PRR16: variants seen among roughly 807,000 people sequenced by gnomAD.
The protein encoded by PRR16 is proline rich 16.
PRR16 carries 6 observed loss-of-function variants against 18.2 expected under a neutral mutation model. That is an observed-to-expected ratio of 0.33 (90% CI 0.18 to 0.65). The LOEUF is 0.65. PRR16 is among the 30% of genes least tolerant of loss of function. The pLI, the probability that PRR16 is intolerant of heterozygous loss-of-function variation, is 0.74. For synonymous variants in PRR16, 151 were observed against 147.8 expected, an observed-to-expected ratio of 1.02 and a Z score of -0.16; for missense variants, 412 against 376.6, an observed-to-expected ratio of 1.09 and a Z score of -0.78.
At chr5:120,698,854 T>G in the PRR16 span, among the ~76,000 whole-genome samples, 2 of 152,028 alleles carry the variant, frequency 1.3e-5, no homozygotes, top group Admixed American at 1.3e-4. Context: ...GGATATAAAG[T>G]TTTCACTGAA....
intron 1 of PRR16, among the ~76,000 whole-genome samples, chr5:120,498,192 A>G (rs2112838614): frequency 6.6e-6 from 1 of 150,832 alleles, no homozygotes; most frequent in Admixed American, 6.6e-5. Context: ...CTATTTTGAC[A>G]TCTGTTTTCT....
At chr5:120,784,870 C>T in the PRR16 span, among the ~76,000 whole-genome samples, 2 of 152,134 alleles carry the variant, frequency 1.3e-5, no homozygotes, top group Non-Finnish European at 2.9e-5. Context: ...TCATTATGAC[C>T]AGGACAGGAA....
intron 1 of PRR16, among the ~76,000 whole-genome samples, chr5:120,589,174 T>A (rs951666662): frequency 2.0e-5 from 3 of 152,130 alleles, no homozygotes; most frequent in African/African-American, 7.2e-5. Context: ...ATTAACCTGA[T>A]TTTCAAGATT....
chr5:120,603,560 A>G (rs942152342), intron 1 of PRR16, among the ~76,000 whole-genome samples: 2 of 151,808 alleles, frequency 1.3e-5, no homozygotes, highest in Non-Finnish European at 2.9e-5. Context: ...AATTTTATTC[A>G]TTTCAGATCT....
chr5:120,768,752 A>T, the PRR16 span, among the ~76,000 whole-genome samples: 2 of 151,826 alleles, frequency 1.3e-5, no homozygotes, highest in Admixed American at 1.3e-4. Flanking sequence ...AAAGGAGCAC[A>T]TATCTGGCAA....
chr5:120,626,091 A>G (rs1348430299), intron 1 of PRR16, among the ~76,000 whole-genome samples: 4 of 152,162 alleles, frequency 2.6e-5, no homozygotes, highest in African/African-American at 9.6e-5. Context: ...TATGCTTTGT[A>G]TATCTTAGTA....
chr5:120,739,579 A>G, the PRR16 span, among the ~76,000 whole-genome samples: 24 of 152,322 alleles, frequency 1.6e-4, no homozygotes, highest in African/African-American at 5.3e-4. Context: ...CAATCTACTT[A>G]GATAGTTTTA....
chr5:120,607,457 A>G (rs574510217), intron 1 of PRR16, among the ~76,000 whole-genome samples: 1 of 152,328 alleles, frequency 6.6e-6, no homozygotes, highest in African/African-American at 2.4e-5. Context: ...TTTACTATAT[A>G]AAGAAGATTT....
chr5:120,559,054 A>C (rs1752499568), intron 1 of PRR16, among the ~76,000 whole-genome samples: 1 of 151,972 alleles, frequency 6.6e-6, no homozygotes, highest in Non-Finnish European at 1.5e-5. Context: ...TATTTGTCAG[A>C]TGGGTAGTTT....
intron 1 of PRR16, among the ~76,000 whole-genome samples, chr5:120,539,626 A>T (rs1240987428): frequency 1.3e-5 from 2 of 152,100 alleles, no homozygotes; most frequent in Admixed American, 1.3e-4. Context: ...CAATTTACCC[A>T]TGTAACAAAC....
chr5:120,776,356 C>A, the PRR16 span, among the ~76,000 whole-genome samples: 1 of 152,072 alleles, frequency 6.6e-6, no homozygotes, highest in Non-Finnish European at 1.5e-5. Context: ...GCACTTTGGG[C>A]AGTTCAGGCC....
chr5:120,656,911 A>T (rs1041192184), intron 1 of PRR16, among the ~76,000 whole-genome samples: 16 of 152,124 alleles, frequency 1.1e-4, no homozygotes, highest in African/African-American at 3.4e-4. Context: ...TGATTTTTGT[A>T]GGAATATTTG....
the PRR16 span, among the ~76,000 whole-genome samples, chr5:120,765,927 G>A: frequency 1.3e-5 from 2 of 151,978 alleles, no homozygotes; most frequent in Admixed American, 1.3e-4. Context: ...GTTGTTGCGT[G>A]TGGATTTTGA....
At chr5:120,677,568 T>C (rs2150151400) in intron 1 of PRR16, among the ~76,000 whole-genome samples, 1 of 152,322 alleles carries the variant, frequency 6.6e-6, no homozygotes, top group African/African-American at 2.4e-5. Context: ...TGATTGTTTT[T>C]CTAAGTCAAT....
chr5:120,783,188 A>G, the PRR16 span, among the ~76,000 whole-genome samples: 2 of 152,214 alleles, frequency 1.3e-5, no homozygotes, highest in African/African-American at 4.8e-5. Flanking sequence ...AGAATTAGTA[A>G]TATCATTTTC....
chr5:120,504,957 A>G (rs1750592335), intron 1 of PRR16, among the ~76,000 whole-genome samples: 1 of 152,152 alleles, frequency 6.6e-6, no homozygotes, highest in African/African-American at 2.4e-5. Flanking sequence ...GGGGTTGATA[A>G]TAGAAGGCAA....
At chr5:120,588,276 G>A (rs967875270) in intron 1 of PRR16, among the ~76,000 whole-genome samples, 7 of 152,146 alleles carry the variant, frequency 4.6e-5, no homozygotes, top group Admixed American at 3.9e-4. Context: ...AAGCTATGGC[G>A]GGGTTTGAAA....
intron 1 of PRR16, among the ~76,000 whole-genome samples, chr5:120,540,408 A>G (rs1751872933): frequency 1.3e-5 from 2 of 152,174 alleles, no homozygotes; most frequent in African/African-American, 2.4e-5. Flanking sequence ...GACACCATCC[A>G]GATTTCTTTC....
intron 1 of PRR16, among the ~76,000 whole-genome samples, chr5:120,560,325 T>G (rs1752536853): frequency 6.6e-6 from 1 of 152,038 alleles, no homozygotes; most frequent in South Asian, 2.1e-4. Flanking sequence ...ATACCCAGTT[T>G]CTTAAGGGTT....
Sources: allele counts gnomAD v4.1 joint callset (sites outside exome capture counted in the v4.1 genomes callset), GRCh38; gene constraint gnomAD v4.1.1; transcripts MANE v1.5; gene names NCBI Gene and HGNC (gene_info 2026-07-23, HGNC 2026-07-21).